VPS36: variants seen among roughly 807,000 people sequenced by gnomAD.
VPS36 encodes vacuolar protein sorting 36 homolog.
A neutral mutation model predicts 63.5 loss-of-function variants in VPS36; 31 were observed. The ratio of observed to expected loss-of-function variants is 0.49; its 90% CI spans 0.37 to 0.66. The LOEUF (loss-of-function observed/expected upper bound fraction) is 0.66. VPS36 is among the 30% of genes least tolerant of loss of function. The probability of loss-of-function intolerance (pLI) is 0.00; values close to 1 mark genes in which losing one functional copy is unlikely to be tolerated. For synonymous variants in VPS36, 138 were observed against 157.2 expected (o/e 0.88, Z 0.91); for missense variants, 338 against 463.7 (o/e 0.73, Z 2.49).
chr13:52,431,084 C>T (rs1167593842), intron 6 of VPS36, among the ~76,000 whole-genome samples: 1 of 151,962 alleles, frequency 6.6e-6, no homozygotes, highest in Non-Finnish European at 1.5e-5. Context: ...ACCAAAGCGA[C>T]CACAGAGAGC....
rs1044648503 is a variant in VPS36, at chr13:52,413,986, A to C, written c.*1844T>G. On this transcript the variant is annotated 3_prime_UTR_variant, in exon 14 of 14. Transcript: ENST00000378060. ...TCTTAAGTTATTTTATACAATTCAGATTGCTCCATTTTTTTTCATCAGTTG... is the reference window on the plus strand; with the variant it reads ...TCTTAAGTTATTTTATACAATTCAGCTTGCTCCATTTTTTTTCATCAGTTG... The C allele has an allele frequency of 5.9e-5, 9 of 152,032 alleles. No individual in the cohort carries two copies. The highest frequency in any genetic ancestry group is 2.2e-4 in the African/African-American group (9 of 41,386). The allele number at this position is 152,032 out of a possible 1,614,324, so 9.4% of individuals were successfully genotyped here.
intron 1 of VPS36, 200 bp downstream of exon 1, chr13:52,450,299 C>T: frequency 8.6e-7 from 1 of 1,160,944 alleles, no homozygotes; most frequent in Non-Finnish European, 1.1e-6. Flanking sequence ...GGGGAGGCAG[C>T]CGAGCGCCCC....
intron 10 of VPS36, 128 bp downstream of exon 10, chr13:52,423,446 C>A (rs528214263): frequency 2.8e-6 from 2 of 707,518 alleles, no homozygotes; most frequent in Non-Finnish European, 4.6e-6. Context: ...GGACAGTATT[C>A]TTTCACTGTA....
At chr13:52,425,829 C>A in intron 9 of VPS36, 103 bp downstream of exon 9, 2 of 1,223,874 alleles carry the variant, frequency 1.6e-6, no homozygotes, top group East Asian at 2.6e-5. Flanking sequence ...TGTCAGTTGA[C>A]AATAACCATA....
At chr13:52,449,824 A>G (rs1958382173) in intron 1 of VPS36, 1 of 674,010 alleles carries the variant, frequency 1.5e-6, no homozygotes, top group Non-Finnish European at 1.8e-6. Context: ...TCTACTATTA[A>G]TATAACACTT....
chr13:52,446,879 AT>A (rs531529195), intron 1 of VPS36, among the ~76,000 whole-genome samples: 1,448 of 138,324 alleles, frequency 0.01, 18 homozygotes, highest in African/African-American at 0.033. Flanking sequence ...GCATGCCATA[AT>A]TTTTTTTTTT....
intron 8 of VPS36, 99 bp downstream of exon 8, chr13:52,426,890 A>G: frequency 1.4e-6 from 1 of 713,928 alleles, no homozygotes; most frequent in Non-Finnish European, 2.2e-6. Context: ...CATAAATAAT[A>G]AATAAAACAG....
At chr13:52,430,805 T>C (rs996132359) in intron 6 of VPS36, among the ~76,000 whole-genome samples, 59 of 152,010 alleles carry the variant, frequency 3.9e-4, no homozygotes, top group African/African-American at 1.4e-3. Context: ...TAAAAATCCT[T>C]TGCCCATCTA....
chr13:52,435,578 G>T lies in VPS36; in HGVS notation c.352-696C>A, dbSNP rs1454272353. Among the ~76,000 whole-genome samples the T allele has an allele frequency of 2.6e-5, 4 of 152,114 alleles. No homozygotes were observed. The East Asian group carries it at 7.7e-4, about 29-fold the overall frequency. ...AACCATTCTCCATGAAGGAAGCAGA[G>T]AATCATTTGTCTAGTTAAAATATAA... On this transcript the variant is annotated intron_variant, in intron 4 of 13. Coordinates refer to ENST00000378060, the MANE Select transcript of VPS36 (RefSeq NM_016075.4).
intron 2 of VPS36, among the ~76,000 whole-genome samples, chr13:52,440,870 A>G (rs1369826155): frequency 6.6e-6 from 1 of 152,210 alleles, no homozygotes; most frequent in African/African-American, 2.4e-5. Context: ...CATGGAAGAC[A>G]GTATTTCCTG....
intron 2 of VPS36, among the ~76,000 whole-genome samples, chr13:52,439,544 A>G (rs1263918313): frequency 6.6e-6 from 1 of 151,680 alleles, no homozygotes; most frequent in Non-Finnish European, 1.5e-5. Context: ...CTCCTGGGTT[A>G]ACACCATTCT....
chr13:52,434,718 C>T (rs1269233426), intron 5 of VPS36, 75 bp downstream of exon 5: 1 of 1,374,300 alleles, frequency 7.3e-7, no homozygotes, highest in Non-Finnish European at 1.0e-6. Context: ...GTTCTACAAT[C>T]ACAGAGTCTT....
intron 3 of VPS36, among the ~76,000 whole-genome samples, chr13:52,437,656 C>T (rs1402251058): frequency 3.3e-5 from 5 of 152,170 alleles, no homozygotes; most frequent in South Asian, 2.1e-4. Context: ...TAAAGCCGGG[C>T]GCGGTGGCTC....
chr13:52,445,374 T>C (rs953267084), intron 1 of VPS36, among the ~76,000 whole-genome samples: 3 of 152,180 alleles, frequency 2.0e-5, no homozygotes, highest in Non-Finnish European at 4.4e-5. Flanking sequence ...GCGCGGTGGC[T>C]CATGCCTGTA....
chr13:52,432,079 G>A (rs961150805), intron 6 of VPS36, among the ~76,000 whole-genome samples: 7 of 152,170 alleles, frequency 4.6e-5, no homozygotes, highest in African/African-American at 1.4e-4. Flanking sequence ...TTGGCTGGGC[G>A]CGGTGGCACA....
At chr13:52,428,151 G>A (rs9526915) in intron 6 of VPS36, among the ~76,000 whole-genome samples, 5,789 of 152,228 alleles carry the variant, frequency 0.038, 136 homozygotes, top group South Asian at 0.07. Flanking sequence ...TATCTACATA[G>A]AATCAACTGT....
chr13:52,443,104 A>G (rs950394681), intron 1 of VPS36, among the ~76,000 whole-genome samples: 1 of 152,236 alleles, frequency 6.6e-6, no homozygotes, highest in Non-Finnish European at 1.5e-5. Context: ...GTTGCCAGGT[A>G]GGAAAAAGAA....
chr13:52,434,306 T>C (rs1958190961), intron 5 of VPS36, among the ~76,000 whole-genome samples: 1 of 152,234 alleles, frequency 6.6e-6, no homozygotes, highest in South Asian at 2.1e-4. Flanking sequence ...GTCATTTATG[T>C]TTACTAAGCG....
At position 52,415,359 on chromosome 13, in the gene VPS36, T is replaced by C. The variant is rs1213079668; in HGVS notation, c.*471A>G. 1.3e-5 allele frequency: 2 copies of C among 153,458 alleles called. No individual in the cohort carries two copies. Among genetic ancestry groups the C allele is most frequent in the Non-Finnish European group, 2.9e-5 (2 of 68,962 alleles). 9.5% of individuals were successfully genotyped at this position (153,458 alleles called of 1,614,324 possible). On this transcript the variant is annotated 3_prime_UTR_variant, in exon 14 of 14. Coordinates refer to ENST00000378060, the MANE Select transcript of VPS36 (RefSeq NM_016075.4). ...ATTTGGTATGTTGAAGACATGTCTA[T>C]GACTGCTTCTAAAAGCCCTGGGGAG... is the stretch of plus-strand genomic sequence containing the variant.
Sources: gnomAD v4.1 joint callset for allele counts (sites outside exome capture counted in the v4.1 genomes callset) on GRCh38, gnomAD v4.1.1 for gene constraint, MANE v1.5 for transcripts, NCBI Gene and HGNC (gene_info 2026-07-23, HGNC 2026-07-21) for gene names.